Variants in DNAJC5 observed in about 807,000 individuals in gnomAD.
DNAJC5 encodes the protein dnaJ homolog subfamily C member 5.
DNAJC5 carries 1 observed loss-of-function variant against 23.2 expected under a neutral mutation model. The observed-to-expected ratio is 0.04, with a 90% confidence interval of 0.02 to 0.20. The LOEUF is 0.20. DNAJC5 is among the 10% of genes least tolerant of loss of function. The pLI, the probability that DNAJC5 is intolerant of heterozygous loss-of-function variation, is 1.00. For synonymous variants in DNAJC5, 136 were observed against 120.0 expected, an observed-to-expected ratio of 1.13 and a Z score of -0.87; for missense variants, 180 against 267.0, an observed-to-expected ratio of 0.67 and a Z score of 2.27.
intron 1 of DNAJC5, among the ~76,000 whole-genome samples, chr20:63,899,123 G>A (rs1445146198): frequency 1.3e-5 from 2 of 152,166 alleles, no homozygotes; most frequent in African/African-American, 4.8e-5. Context: ...CTTCCCCTGC[G>A]TCCTGCTGGG....
At position 63,912,797 on chromosome 20, in the gene DNAJC5, C is replaced by T. The variant is rs571668133; in HGVS notation, c.-11-15538C>T. 1.1e-4 allele frequency among the ~76,000 whole-genome samples: 16 copies of T among 152,130 alleles called. No individual in the cohort carries two copies. In the South Asian group the frequency reaches 1.9e-3, roughly 18 times the overall value. On this transcript the variant is annotated intron_variant, in intron 1 of 4. Transcript: ENST00000360864. ...TAATTTTTGTATTTTTTAGTTGAGA[C>T]GGGGTTTCACCATGTTGGCCAGGAT...
At chr20:63,926,655 A>AG (rs1457921261) in intron 1 of DNAJC5, among the ~76,000 whole-genome samples, 1 of 152,222 alleles carries the variant, frequency 6.6e-6, no homozygotes, top group African/African-American at 2.4e-5. Context: ...GGACAGGAGG[A>AG]GACACGTGGC....
At chr20:63,906,084 C>T (rs544227316) in intron 1 of DNAJC5, among the ~76,000 whole-genome samples, 13 of 152,044 alleles carry the variant, frequency 8.6e-5, no homozygotes, top group Middle Eastern at 3.4e-3. Context: ...AAATTCTACG[C>T]GACAATAATT....
At chr20:63,902,422 G>A in intron 1 of DNAJC5, among the ~76,000 whole-genome samples, 1 of 133,628 alleles carries the variant, frequency 7.5e-6, no homozygotes, top group Non-Finnish European at 1.5e-5. Flanking sequence ...CTGGTGGAGT[G>A]CAACGGTGTG....
chr20:63,919,841 C>T, intron 1 of DNAJC5: 2 of 267,952 alleles, frequency 7.5e-6, no homozygotes, highest in South Asian at 3.6e-5. Flanking sequence ...CCCGGGACAG[C>T]GCCATGGAAG....
At chr20:63,903,393 C>T (rs566030619) in intron 1 of DNAJC5, among the ~76,000 whole-genome samples, 9 of 152,114 alleles carry the variant, frequency 5.9e-5, no homozygotes, top group Admixed American at 3.3e-4. Context: ...CTGCAACCTC[C>T]GCCTCCTGGG....
chr20:63,896,347 T>TTCGGTTGAGTTCCCCTTTCACTTGTG (rs2146266082), intron 1 of DNAJC5, among the ~76,000 whole-genome samples: 1 of 152,264 alleles, frequency 6.6e-6, no homozygotes. Flanking sequence ...TTGGGGAAGT[T>TTCGGTTGAGTTCCCCTTTCACTTGTG]TCGGTTGAGT....
chr20:63,922,735 A>G (rs1463029672), intron 1 of DNAJC5, among the ~76,000 whole-genome samples: 1 of 152,146 alleles, frequency 6.6e-6, no homozygotes, highest in Admixed American at 6.6e-5. Flanking sequence ...ACACCACTGC[A>G]TTCCAGCCTG....
At chr20:63,917,237 C>T (rs954864127) in intron 1 of DNAJC5, among the ~76,000 whole-genome samples, 2 of 152,114 alleles carry the variant, frequency 1.3e-5, no homozygotes, top group South Asian at 4.1e-4. Flanking sequence ...CACCTGGCTT[C>T]TATTACTTTT....
chr20:63,931,040 G>A lies in DNAJC5; in HGVS notation c.493+18G>A. The A allele has an allele frequency of 1.9e-6, 3 of 1,612,720 alleles. No individual in the cohort carries two copies. The highest frequency in any genetic ancestry group is 2.5e-6 in the Non-Finnish European group (3 of 1,179,442). ...CGAGAGGGGTGAGTGCCCGCCCCAG[G>A]GCCCGTGTGTGTGTGTGGGGCAGAG... On this transcript the variant is annotated intron_variant, in intron 4 of 4. Coordinates refer to ENST00000360864, the MANE Select transcript of DNAJC5 (RefSeq NM_025219.3). The surrounding 1 kb of genome is among the most constrained non-coding windows in gnomAD (Gnocchi z 9.6).
At chr20:63,911,837 C>T (rs370410290) in intron 1 of DNAJC5, among the ~76,000 whole-genome samples, 3 of 151,714 alleles carry the variant, frequency 2.0e-5, no homozygotes, top group South Asian at 2.1e-4. Context: ...TCACGCCTGG[C>T]GAGTTTTTGT....
intron 1 of DNAJC5, among the ~76,000 whole-genome samples, chr20:63,903,897 G>A (rs957074397): frequency 1.3e-5 from 2 of 152,108 alleles, no homozygotes; most frequent in African/African-American, 4.8e-5. Flanking sequence ...ACCAGCCTGG[G>A]TAACATGAGG....
chr20:63,920,545 G>A lies in DNAJC5; in HGVS notation c.-11-7790G>A, dbSNP rs2427559. Among the ~76,000 whole-genome samples the A allele has an allele frequency of 0.34, 52,411 of 152,204 alleles. 10,777 individuals carry two copies. The highest frequency in any genetic ancestry group is 0.81 in the East Asian group (4,202 of 5,184). On this transcript the variant is annotated intron_variant, in intron 1 of 4. Transcript: ENST00000360864. The surrounding 1 kb of genome is among the most constrained non-coding windows in gnomAD (Gnocchi z 4.6). Reference sequence around the variant, plus strand: ...GTCCCCGCCATTTCAGAAGCTCAGCGTCCCTGCACGTGTGCGGTCTTGTCT... The same window carrying A: ...GTCCCCGCCATTTCAGAAGCTCAGCATCCCTGCACGTGTGCGGTCTTGTCT...
chr20:63,895,622 A>T (rs1600855199), intron 1 of DNAJC5, among the ~76,000 whole-genome samples: 1 of 151,160 alleles, frequency 6.6e-6, no homozygotes, highest in East Asian at 2.0e-4. Context: ...TCGGGCCCGG[A>T]CGCCCCCTCC....
intron 1 of DNAJC5, among the ~76,000 whole-genome samples, chr20:63,907,832 C>G (rs934233144): frequency 1.3e-5 from 2 of 152,220 alleles, no homozygotes; most frequent in Non-Finnish European, 2.9e-5. Context: ...GTGGCGCGAT[C>G]TCGGCTCATT....
intron 1 of DNAJC5, among the ~76,000 whole-genome samples, chr20:63,898,601 T>C (rs1446189347): frequency 6.6e-6 from 1 of 152,092 alleles, no homozygotes; most frequent in Non-Finnish European, 1.5e-5. Context: ...CCCAGCACTT[T>C]GGGAGGCCGA....
At chr20:63,915,465 A>C (rs994045560) in intron 1 of DNAJC5, among the ~76,000 whole-genome samples, 1 of 151,970 alleles carries the variant, frequency 6.6e-6, no homozygotes, top group Non-Finnish European at 1.5e-5. Flanking sequence ...AAGACACACC[A>C]TAATAAGTAA....
intron 1 of DNAJC5, 126 bp downstream of exon 1, chr20:63,895,449 G>T: frequency 6.8e-6 from 1 of 147,536 alleles, no homozygotes; most frequent in South Asian, 1.8e-4. Flanking sequence ...CCCCGGGCCG[G>T]GGCTGCGCGG....
At chr20:63,898,207 C>T (rs1373697337) in intron 1 of DNAJC5, among the ~76,000 whole-genome samples, 1 of 152,128 alleles carries the variant, frequency 6.6e-6, no homozygotes, top group Non-Finnish European at 1.5e-5. Flanking sequence ...GTGAGGTGCT[C>T]ACGTGTGTGC....
Sources: allele counts gnomAD v4.1 joint callset (sites outside exome capture counted in the v4.1 genomes callset), GRCh38; gene constraint gnomAD v4.1.1; non-coding constraint Gnocchi (gnomAD v3.1); transcripts MANE v1.5; gene names NCBI Gene and HGNC (gene_info 2026-07-23, HGNC 2026-07-21).